Variants in NKAIN2 observed in about 807,000 individuals in gnomAD.
NKAIN2 encodes the protein sodium/potassium transporting ATPase interacting 2, also known as sodium/potassium-transporting ATPase subunit beta-1-interacting protein 2.
A neutral mutation model predicts 32.6 loss-of-function variants in NKAIN2; 14 were observed. The ratio of observed to expected loss-of-function variants is 0.43; its 90% CI spans 0.28 to 0.67. The LOEUF (loss-of-function observed/expected upper bound fraction) is 0.67, where lower values mean the gene tolerates loss of function less well. Ranked by LOEUF, NKAIN2 falls within the 30% of genes least tolerant of loss-of-function variation. The probability of loss-of-function intolerance (pLI) is 0.17; values close to 1 mark genes in which losing one functional copy is unlikely to be tolerated. For synonymous variants in NKAIN2, 80 were observed against 87.2 expected (o/e 0.92, Z 0.46); for missense variants, 198 against 258.3 (o/e 0.77, Z 1.60).
At chr6:124,392,214 C>A (rs1773173007) in intron 3 of NKAIN2, among the ~76,000 whole-genome samples, 1 of 151,988 alleles carries the variant, frequency 6.6e-6, no homozygotes, top group Non-Finnish European at 1.5e-5. Flanking sequence ...TTATTCAGGG[C>A]AGCCAAATTC....
chr6:123,883,087 G>C (rs1472064034), intron 1 of NKAIN2, among the ~76,000 whole-genome samples: 1 of 152,108 alleles, frequency 6.6e-6, no homozygotes, highest in African/African-American at 2.4e-5. Flanking sequence ...GGGGCTTGGT[G>C]GGAGGTGGTT....
In NKAIN2 at chr6:124,532,335, G is replaced by A. The variant is rs146996505; in HGVS notation, c.274-125851G>A. Among the ~76,000 whole-genome samples, 3 of 152,270 alleles carry A rather than the reference G, an allele frequency of 2.0e-5. No individual in the cohort carries two copies. The East Asian group carries it at 5.8e-4, about 29-fold the overall frequency. ...AAGTCTCATACCCTTCTTGCAAGGG[G>A]AGGCTTCTTTTCTGGAATTATGGCT... is the stretch of plus-strand genomic sequence containing the variant. On this transcript the variant is annotated intron_variant, in intron 3 of 6. Coordinates refer to ENST00000368417, the MANE Select transcript of NKAIN2 (RefSeq NM_001040214.3).
intron 1 of NKAIN2, among the ~76,000 whole-genome samples, chr6:123,934,264 T>C (rs1776399484): frequency 6.6e-6 from 1 of 152,188 alleles, no homozygotes; most frequent in Non-Finnish European, 1.5e-5. Flanking sequence ...CATAGAATTA[T>C]TTGATGTCTC....
chr6:123,843,975 G>A (rs562785989), intron 1 of NKAIN2, among the ~76,000 whole-genome samples: 7 of 152,276 alleles, frequency 4.6e-5, no homozygotes, highest in East Asian at 1.9e-4. Flanking sequence ...TGAGATTCCC[G>A]TAATGGGGAT....
chr6:124,228,532 G>A (rs1473048046), intron 1 of NKAIN2, among the ~76,000 whole-genome samples: 5 of 152,078 alleles, frequency 3.3e-5, no homozygotes, highest in African/African-American at 1.2e-4. Context: ...CCATCACACT[G>A]GGGGTTAGGG....
chr6:124,106,767 C>T (rs1310143626), intron 1 of NKAIN2, among the ~76,000 whole-genome samples: 1 of 152,176 alleles, frequency 6.6e-6, no homozygotes, highest in Non-Finnish European at 1.5e-5. Flanking sequence ...TTCACTTACA[C>T]AGAAATTCAT....
intron 6 of NKAIN2, among the ~76,000 whole-genome samples, chr6:124,820,545 G>C (rs1048576324): frequency 6.6e-6 from 1 of 152,112 alleles, no homozygotes. Flanking sequence ...TCATGAAAAG[G>C]CTGTATCAAG....
intron 3 of NKAIN2, among the ~76,000 whole-genome samples, chr6:124,501,242 T>C (rs755034161): frequency 1.3e-5 from 2 of 152,134 alleles, no homozygotes; most frequent in Non-Finnish European, 2.9e-5. Context: ...CTTCCATGAC[T>C]TACTGTGGGA....
intron 1 of NKAIN2, among the ~76,000 whole-genome samples, chr6:123,894,938 C>G (rs531723965): frequency 5.9e-5 from 9 of 151,916 alleles, no homozygotes; most frequent in African/African-American, 1.9e-4. Context: ...CAAGTTACCT[C>G]GGGAAAAAGA....
At chr6:123,866,400 A>G (rs1311600758) in intron 1 of NKAIN2, among the ~76,000 whole-genome samples, 2 of 152,220 alleles carry the variant, frequency 1.3e-5, no homozygotes, top group African/African-American at 4.8e-5. Context: ...TAAGGAAACA[A>G]GCTAGGATTT....
intron 1 of NKAIN2, among the ~76,000 whole-genome samples, chr6:124,241,467 G>A (rs1252798626): frequency 6.6e-6 from 1 of 152,104 alleles, no homozygotes; most frequent in Non-Finnish European, 1.5e-5. Context: ...AAAGCTGGAG[G>A]CATCACGCTA....
At chr6:123,816,855 G>T (rs1773714610) in intron 1 of NKAIN2, among the ~76,000 whole-genome samples, 1 of 152,172 alleles carries the variant, frequency 6.6e-6, no homozygotes, top group Non-Finnish European at 1.5e-5. Flanking sequence ...CCCTTGATTG[G>T]CCACCTAATT....
At chr6:124,186,149 AAGGAAGGG>A (rs1312583471) in intron 1 of NKAIN2, among the ~76,000 whole-genome samples, 2 of 114,754 alleles carry the variant, frequency 1.7e-5, no homozygotes, top group African/African-American at 9.1e-5. Context: ...GAAAGGAAGG[AAGGAAGGG>A]AGGGAGGGAG....
intron 5 of NKAIN2, among the ~76,000 whole-genome samples, chr6:124,800,860 G>T (rs1431040960): frequency 6.6e-6 from 1 of 152,112 alleles, no homozygotes; most frequent in Non-Finnish European, 1.5e-5. Context: ...TTTGTTTATA[G>T]GATTAATTGC....
At chr6:123,815,120 G>A (rs1773635932) in intron 1 of NKAIN2, among the ~76,000 whole-genome samples, 2 of 152,126 alleles carry the variant, frequency 1.3e-5, no homozygotes, top group African/African-American at 4.8e-5. Context: ...GTCAAGCCGT[G>A]TTTCTATCGT....
intron 4 of NKAIN2, among the ~76,000 whole-genome samples, chr6:124,735,998 G>C (rs1179664462): frequency 6.6e-6 from 1 of 151,918 alleles, no homozygotes; most frequent in Non-Finnish European, 1.5e-5. Flanking sequence ...ATTCAGCTTA[G>C]TGGAGGAAGA....
chr6:124,588,348 AT>A (rs1232934137), intron 3 of NKAIN2, among the ~76,000 whole-genome samples: 1 of 152,138 alleles, frequency 6.6e-6, no homozygotes, highest in African/African-American at 2.4e-5. Context: ...ATTTAATGCA[AT>A]TTTTATTTAA....
chr6:124,722,886 G>T (rs1228914078), intron 4 of NKAIN2, among the ~76,000 whole-genome samples: 1 of 152,196 alleles, frequency 6.6e-6, no homozygotes, highest in East Asian at 1.9e-4. Flanking sequence ...ATGTGAAGCA[G>T]CAGCTCATTT....
At chr6:124,357,369 C>G (rs1178375628) in intron 3 of NKAIN2, among the ~76,000 whole-genome samples, 3 of 152,062 alleles carry the variant, frequency 2.0e-5, no homozygotes, top group Non-Finnish European at 4.4e-5. Flanking sequence ...TTAGTCGTTG[C>G]AACTGCCTCA....
Sources: gnomAD v4.1 joint callset for allele counts (sites outside exome capture counted in the v4.1 genomes callset) on GRCh38, gnomAD v4.1.1 for gene constraint, MANE v1.5 for transcripts, NCBI Gene and HGNC (gene_info 2026-07-23, HGNC 2026-07-21) for gene names.